The following ITGA1 variants were observed in gnomAD, a reference collection of about 807,000 sequenced individuals.
The protein encoded by ITGA1 is integrin alpha-1.
In ITGA1, 85 loss-of-function variants were observed where a neutral mutation model predicts 145.9. That is an observed-to-expected ratio of 0.58 (90% CI 0.49 to 0.70). ITGA1 has a LOEUF of 0.70. ITGA1 is among the 30% of genes least tolerant of loss of function. The probability of loss-of-function intolerance (pLI) is 0.00; values close to 1 mark genes in which losing one functional copy is unlikely to be tolerated. For synonymous variants in ITGA1, 520 were observed against 495.3 expected (o/e 1.05, Z -0.66); for missense variants, 1,351 against 1,418.7 (o/e 0.95, Z 0.77).
intron 1 of ITGA1, among the ~76,000 whole-genome samples, chr5:52,834,743 G>T (rs1749138330): frequency 6.6e-6 from 1 of 152,012 alleles, no homozygotes; most frequent in African/African-American, 2.4e-5. Flanking sequence ...GAGAGATCTG[G>T]TATCCCTTTC....
chr5:52,864,948 A>T, intron 4 of ITGA1, 23 bp from the exon 5 acceptor site: 1 of 1,590,528 alleles, frequency 6.3e-7, no homozygotes, highest in Non-Finnish European at 8.6e-7. Context: ...AATGATTTCT[A>T]ATTTTAAAAC....
chr5:52,927,535 A>G (rs773557059), intron 19 of ITGA1, 49 bp from the exon 20 acceptor site: 7 of 1,311,422 alleles, frequency 5.3e-6, no homozygotes, highest in Admixed American at 1.8e-5. Flanking sequence ...ACACGTATCA[A>G]TATTTCACCT....
chr5:52,893,774 G>A lies in ITGA1; in HGVS notation c.1024G>A (p.Val342Ile). 1 of 1,612,908 alleles carries A rather than the reference G, an allele frequency of 6.2e-7. No individual in the cohort carries two copies. The highest frequency in any genetic ancestry group is 8.5e-7 in the Non-Finnish European group (1 of 1,179,124). ...SEPTEKHFFN[V>I]SDELALVTIV... The stretch of plus-strand genomic sequence containing the variant: ...ACCCACTGAAAAGCATTTCTTCAAT[G>A]TCTCTGATGAATTGGCTCTAGTCAC... Residue 342 changes from valine (V) to isoleucine (I), a missense_variant, in exon 9 of 29, where the codon GTC becomes ATC. Coordinates refer to ENST00000282588, the MANE Select transcript of ITGA1 (RefSeq NM_181501.2).
chr5:52,861,826 C>T (rs190855648), intron 3 of ITGA1, among the ~76,000 whole-genome samples: 110 of 147,746 alleles, frequency 7.4e-4, no homozygotes, highest in Non-Finnish European at 1.3e-3. Flanking sequence ...ATGGTAATTG[C>T]GCCACTGCAC....
intron 1 of ITGA1, among the ~76,000 whole-genome samples, chr5:52,825,786 C>T (rs1199615867): frequency 3.9e-5 from 6 of 152,002 alleles, no homozygotes; most frequent in African/African-American, 9.7e-5. Flanking sequence ...GGCGTGGTGG[C>T]GCCTGCCTGT....
chr5:52,940,553 C>T (rs929642602), intron 26 of ITGA1, among the ~76,000 whole-genome samples: 12 of 151,776 alleles, frequency 7.9e-5, no homozygotes, highest in Non-Finnish European at 1.2e-4. Context: ...GGACTACAGG[C>T]GCCCACCACC....
At chr5:52,816,585 G>A (rs1358575771) in intron 1 of ITGA1, among the ~76,000 whole-genome samples, 1 of 152,152 alleles carries the variant, frequency 6.6e-6, no homozygotes, top group African/African-American at 2.4e-5. Context: ...ACAGGCTGAA[G>A]GAGTGTGGAA....
intron 1 of ITGA1, among the ~76,000 whole-genome samples, chr5:52,812,789 C>CTTTT (rs61600951): frequency 2.3e-5 from 2 of 86,114 alleles, no homozygotes; most frequent in Non-Finnish European, 2.1e-5. Context: ...CTTCTTATCG[C>CTTTT]TTTTTTTTTT....
chr5:52,951,087 A>AT (rs1751212287), intron 28 of ITGA1, among the ~76,000 whole-genome samples: 2 of 152,186 alleles, frequency 1.3e-5, no homozygotes, highest in African/African-American at 2.4e-5. Flanking sequence ...GCCCTGAATA[A>AT]AAATTTTCCA....
At chr5:52,865,214 GTTTGC>G (rs1749668585) in intron 5 of ITGA1, 132 bp downstream of exon 5, 1 of 635,872 alleles carries the variant, frequency 1.6e-6, no homozygotes, top group Non-Finnish European at 2.6e-6. Flanking sequence ...TTAGGTAAAT[GTTTGC>G]TTTGCCAGTA....
intron 10 of ITGA1, 35 bp downstream of exon 10, chr5:52,897,563 G>T: frequency 6.4e-7 from 1 of 1,553,992 alleles, no homozygotes. Context: ...TGAAATATAT[G>T]TTTGCAAGAC....
rs181099957 is a variant in ITGA1, at chr5:52,880,736, C to A, written c.625-1137C>A. Among the ~76,000 whole-genome samples the A allele has an allele frequency of 5.6e-4, 86 of 152,328 alleles. 1 individual carries two copies. The highest frequency in any genetic ancestry group is 5.6e-3 in the Admixed American group (86 of 15,294). On this transcript the variant is annotated intron_variant, in intron 6 of 28. Transcript: ENST00000282588. ...CTTGTTGCAAATTACCTCCCTTACC[C>A]AAGTAATGAATCACCTGGAATTCCT...
At chr5:52,806,117 A>G (rs1266976946) in intron 1 of ITGA1, among the ~76,000 whole-genome samples, 1 of 152,046 alleles carries the variant, frequency 6.6e-6, no homozygotes, top group Admixed American at 6.6e-5. Flanking sequence ...TTCAGTTTAT[A>G]TACTCTAAGA....
At chr5:52,840,594 TG>T (rs1749238580) in intron 1 of ITGA1, among the ~76,000 whole-genome samples, 1 of 152,142 alleles carries the variant, frequency 6.6e-6, no homozygotes, top group Non-Finnish European at 1.5e-5. Context: ...TGAGAGGAGC[TG>T]GCAAAGCAGG....
At chr5:52,834,558 G>GAA (rs1561222366) in intron 1 of ITGA1, among the ~76,000 whole-genome samples, 5 of 84,720 alleles carry the variant, frequency 5.9e-5, no homozygotes, top group South Asian at 3.1e-4. Context: ...GAGAAAGAGA[G>GAA]AGAGAAAGAG....
At chr5:52,885,241 T>C (rs151011525) in intron 7 of ITGA1, among the ~76,000 whole-genome samples, 4 of 152,172 alleles carry the variant, frequency 2.6e-5, no homozygotes, top group East Asian at 3.9e-4. Context: ...ACAGGCATGA[T>C]TGATTATTAA....
intron 1 of ITGA1, among the ~76,000 whole-genome samples, chr5:52,819,737 A>G (rs1748836957): frequency 6.6e-6 from 1 of 152,134 alleles, no homozygotes; most frequent in Non-Finnish European, 1.5e-5. Flanking sequence ...CTATGTCCTG[A>G]ATGGTATTGC....
chr5:52,958,945 AT>A lies in ITGA1; in HGVS notation c.*6497del, dbSNP rs1751340183. The A allele has an allele frequency of 6.6e-6, 1 of 152,168 alleles. No homozygotes were observed. The highest frequency in any genetic ancestry group is 6.6e-5 in the Admixed American group (1 of 15,260). 9.4% of individuals were successfully genotyped at this position (152,168 alleles called of 1,614,324 possible). A position where few individuals can be genotyped will look rare whatever the true frequency, so the allele number is the denominator to read the frequency against. On this transcript the variant is annotated 3_prime_UTR_variant, in exon 29 of 29. Coordinates refer to ENST00000282588, the MANE Select transcript of ITGA1 (RefSeq NM_181501.2). ...AGCATAACCTTTGTTGACTCTTGTA[AT>A]TTATTATATGCTTCATTTAAACCCA...
chr5:52,909,144 AAAG>A (rs1264963756), intron 13 of ITGA1, 103 bp downstream of exon 13: 3 of 1,236,450 alleles, frequency 2.4e-6, no homozygotes, highest in Non-Finnish European at 3.4e-6. Context: ...AAAACAGAGC[AAAG>A]AAGCTATCAG....
Sources: allele counts gnomAD v4.1 joint callset (sites outside exome capture counted in the v4.1 genomes callset), GRCh38; gene constraint gnomAD v4.1.1; transcripts MANE v1.5; gene names NCBI Gene and HGNC (gene_info 2026-07-23, HGNC 2026-07-21).